Variants in POMT2 observed in about 807,000 individuals in gnomAD.
POMT2 encodes the protein protein O-mannosyltransferase 2.
In POMT2, 75 loss-of-function variants were observed where a neutral mutation model predicts 100.0. The observed-to-expected ratio is 0.75, with a 90% CI of 0.62 to 0.91. The LOEUF (loss-of-function observed/expected upper bound fraction) is 0.91, where lower values mean the gene tolerates loss of function less well. POMT2 is among the 40% of genes least tolerant of loss of function. The probability of loss-of-function intolerance (pLI) is 0.00; values close to 1 mark genes in which losing one functional copy is unlikely to be tolerated. For missense variants in POMT2, 940 were observed against 955.1 expected (o/e 0.98, Z 0.21); for synonymous variants, 378 against 374.1 (o/e 1.01, Z -0.12).
intron 15 of POMT2, among the ~76,000 whole-genome samples, chr14:77,282,606 C>T (rs1397124998): frequency 6.6e-6 from 1 of 152,148 alleles, no homozygotes; most frequent in Non-Finnish European, 1.5e-5. Context: ...GACTGACAGG[C>T]ACATGTTCAA....
chr14:77,296,935 C>A (rs56018212), intron 8 of POMT2, among the ~76,000 whole-genome samples: 2,993 of 152,304 alleles, frequency 0.02, 48 homozygotes, highest in Middle Eastern at 0.071. Context: ...GTGGAGGAGG[C>A]CTGCCTGTGG....
In POMT2 at chr14:77,299,455, C is replaced by CTT. The variant is rs1890942140; in HGVS notation, c.921_922dup (p.Ser308LysfsTer36). 6.2e-7 allele frequency: 1 copy of CTT among 1,613,428 alleles called. No individual in the cohort carries two copies. Among genetic ancestry groups the CTT allele is most frequent in the Non-Finnish European group, 8.5e-7 (1 of 1,179,630 alleles). On this transcript the variant is annotated frameshift_variant and splice_region_variant, in exon 7 of 21. Coordinates refer to ENST00000261534, the MANE Select transcript of POMT2 (RefSeq NM_013382.7). LOFTEE classifies it high-confidence loss of function. Reference sequence around the variant, plus strand: ...GATGCTGCAAAGGCTCTGTCTGTACCTTTTACTCAGCACCATGAAGTGAAC... The same window carrying CTT: ...GATGCTGCAAAGGCTCTGTCTGTACCTTTTTTACTCAGCACCATGAAGTGAAC...
chr14:77,320,550 C>A lies in POMT2; in HGVS notation c.132G>T (p.Arg44=). The stretch of plus-strand genomic sequence containing the variant: ...CGAAGCGCCGTGAGCCCCAAGCAGG[C>A]CGTTTGGGGCTTCGCGCCACAGCCT... ...AAEAVARSPK[R]PAWGSRRFEA... The change falls in exon 1 of 21, where the codon CGG becomes CGT. Residue 44 remains arginine, a synonymous_variant. Coordinates refer to ENST00000261534, the MANE Select transcript of POMT2 (RefSeq NM_013382.7). The A allele has an allele frequency of 1.3e-6, 2 of 1,565,908 alleles. No homozygotes were observed. The highest frequency in any genetic ancestry group is 1.8e-5 in the Admixed American group (1 of 55,294).
At chr14:77,284,876 GCTTA>G (rs1890362481) in intron 14 of POMT2, 70 bp downstream of exon 14, 19 of 1,332,904 alleles carry the variant, frequency 1.4e-5, no homozygotes, top group Admixed American at 1.0e-4. Context: ...GTTTACAAAC[GCTTA>G]CTTTTCTAAG....
chr14:77,287,081 G>A (rs1327779559), intron 11 of POMT2: 1 of 568,090 alleles, frequency 1.8e-6, no homozygotes, highest in East Asian at 4.3e-5. Flanking sequence ...CTAACTTTAG[G>A]TGCTGGCAGG....
intron 1 of POMT2, chr14:77,312,762 A>G (rs1236776088): frequency 6.6e-6 from 1 of 152,284 alleles, no homozygotes; most frequent in Admixed American, 6.5e-5. Flanking sequence ...ATTTGCTATT[A>G]GAAGGTCCAT....
At chr14:77,296,387 G>A (rs1427036845) in intron 8 of POMT2, 114 bp from the exon 9 acceptor site, 7 of 742,642 alleles carry the variant, frequency 9.4e-6, no homozygotes, top group Middle Eastern at 3.5e-4. Flanking sequence ...AGACTCCCCT[G>A]GGCCCTGGAC....
intron 1 of POMT2, among the ~76,000 whole-genome samples, chr14:77,313,912 T>G (rs1891532533): frequency 6.6e-6 from 1 of 152,214 alleles, no homozygotes; most frequent in African/African-American, 2.4e-5. Context: ...TTCACCATGT[T>G]GGCCAGGCTG....
Position 77,299,270 on chromosome 14 carries a change from TG to T in POMT2, c.923+184del, listed in dbSNP as rs560112742. ...AGCTTCTTCCTTCAGGTTAGGGTGCTGGCCTTTCTGAGCCCTTAGCATATAC... is the reference window on the plus strand; with the variant it reads ...AGCTTCTTCCTTCAGGTTAGGGTGCTGCCTTTCTGAGCCCTTAGCATATAC... On this transcript the variant is annotated intron_variant, in intron 7 of 20. Coordinates refer to ENST00000261534, the MANE Select transcript of POMT2 (RefSeq NM_013382.7). 3.0e-3 allele frequency among the ~76,000 whole-genome samples: 455 copies of T among 152,344 alleles called. 3 individuals are homozygous for T. Among genetic ancestry groups the T allele is most frequent in the African/African-American group, 0.011 (439 of 41,570 alleles).
At chr14:77,320,219 G>A in intron 1 of POMT2, 1 of 751,266 alleles carries the variant, frequency 1.3e-6, no homozygotes, top group East Asian at 2.7e-5. Flanking sequence ...TGCTTCCTCA[G>A]ATACTAAGAA....
At chr14:77,314,733 A>T (rs990472892) in intron 1 of POMT2, among the ~76,000 whole-genome samples, 1 of 152,242 alleles carries the variant, frequency 6.6e-6, no homozygotes, top group African/African-American at 2.4e-5. Context: ...AATGGCAGCA[A>T]GCCCAGCAGC....
intron 3 of POMT2, 82 bp from the exon 4 acceptor site, chr14:77,304,882 A>G: frequency 2.6e-6 from 4 of 1,538,698 alleles, no homozygotes; most frequent in Non-Finnish European, 3.5e-6. Flanking sequence ...CCTAACATTT[A>G]AGACAGGGGA....
rs1890258306 is a variant in POMT2, at chr14:77,282,075, G to A, written c.1654-1612C>T. ...GTCACTGCGGCCCTTTGAAGGACCT[G>A]GGAATGAGGAATGAATCATTCTGGA... On this transcript the variant is annotated intron_variant, in intron 15 of 20. Coordinates refer to ENST00000261534, the MANE Select transcript of POMT2 (RefSeq NM_013382.7). 2.6e-5 allele frequency among the ~76,000 whole-genome samples: 4 copies of A among 152,094 alleles called. No individual in the cohort carries two copies. In the South Asian group the frequency reaches 8.3e-4, roughly 32 times the overall value.
intron 2 of POMT2, among the ~76,000 whole-genome samples, chr14:77,310,581 C>T (rs1217769698): frequency 6.6e-6 from 1 of 152,106 alleles, no homozygotes; most frequent in Non-Finnish European, 1.5e-5. Flanking sequence ...CTGTAGGGCC[C>T]CCTGCTCTCA....
intron 13 of POMT2, 25 bp downstream of exon 13, chr14:77,285,456 G>C: frequency 6.2e-7 from 1 of 1,613,944 alleles, no homozygotes; most frequent in Non-Finnish European, 8.5e-7. Context: ...CCCTCGATTG[G>C]GACAGCAAAA....
chr14:77,293,472 T>A (rs1183384054), intron 9 of POMT2, among the ~76,000 whole-genome samples: 1 of 152,238 alleles, frequency 6.6e-6, no homozygotes, highest in East Asian at 1.9e-4. Context: ...CATTAAAACA[T>A]TCAGATAAAC....
Position 77,285,024 on chromosome 14 carries a change from T to G in POMT2, c.1502A>C (p.Glu501Ala), listed in dbSNP as rs767138307. 1 of 1,612,444 alleles carries G rather than the reference T, an allele frequency of 6.2e-7. No homozygotes were observed. The highest frequency in any genetic ancestry group is 1.3e-5 in the African/African-American group (1 of 74,846). Residue 501 changes from glutamate to alanine, a missense_variant, in exon 14 of 21, where the codon GAA becomes GCA. Physicochemically the swap from Glu to Ala is moderately radical, Grantham distance 107 (BLOSUM62 -1). Coordinates refer to ENST00000261534, the MANE Select transcript of POMT2 (RefSeq NM_013382.7). ...TTTCAGGTATGGGGTGCAAGTAACTTCCAACTGCTCCCAGCCCCTGTGAAA... is the reference window on the plus strand; with the variant it reads ...TTTCAGGTATGGGGTGCAAGTAACTGCCAACTGCTCCCAGCCCCTGTGAAA... ...VLPKWGWEQL[E>A]VTCTPYLKET... is the part of the protein sequence containing the mutation.
chr14:77,308,031 T>C (rs976740680), intron 2 of POMT2, among the ~76,000 whole-genome samples: 1 of 151,126 alleles, frequency 6.6e-6, no homozygotes, highest in Non-Finnish European at 1.5e-5. Flanking sequence ...CCGGCTAATT[T>C]TTGTATTTTT....
intron 15 of POMT2, among the ~76,000 whole-genome samples, chr14:77,281,685 C>T (rs1299094528): frequency 2.0e-5 from 3 of 152,204 alleles, no homozygotes; most frequent in African/African-American, 2.4e-5. Context: ...CCCAACATTT[C>T]GGGCTGGATG....
Sources: allele counts gnomAD v4.1 joint callset (sites outside exome capture counted in the v4.1 genomes callset), GRCh38; gene constraint gnomAD v4.1.1; transcripts MANE v1.5; gene names NCBI Gene and HGNC (gene_info 2026-07-23, HGNC 2026-07-21).